Variants in DAB2IP observed in about 807,000 individuals in gnomAD.
DAB2IP encodes DAB2 interacting protein, also known as disabled homolog 2-interacting protein.
Under a neutral mutation model 107.2 loss-of-function variants are expected in DAB2IP, and 28 were observed. The ratio of observed to expected loss-of-function variants is 0.26; its 90% CI spans 0.19 to 0.36. The LOEUF is 0.36. Among genes scored for constraint, DAB2IP ranks in the 10% least tolerant of loss-of-function variants. The pLI is 1.00. For synonymous variants in DAB2IP, 755 were observed against 706.4 expected, an observed-to-expected ratio of 1.07 and a Z score of -1.09; for missense variants, 1,400 against 1,644.7, an observed-to-expected ratio of 0.85 and a Z score of 2.57.
intron 3 of DAB2IP, among the ~76,000 whole-genome samples, chr9:121,746,515 C>T (rs1365128257): frequency 6.6e-6 from 1 of 152,112 alleles, no homozygotes; most frequent in Admixed American, 6.5e-5. Context: ...GAAACCTGGC[C>T]CTCAAGGATG....
chr9:121,779,108 T>A (rs559318525), intron 14 of DAB2IP, among the ~76,000 whole-genome samples: 16 of 152,346 alleles, frequency 1.1e-4, no homozygotes, highest in Middle Eastern at 3.4e-3. Flanking sequence ...TTTGATAGTT[T>A]CTATGACTAT....
Position 121,773,478 on chromosome 9 carries a change from C to G in DAB2IP, c.2950C>G (p.Arg984Gly), listed in dbSNP as rs774366709. 5 of 1,512,584 alleles carry G rather than the reference C, an allele frequency of 3.3e-6. No individual in the cohort carries two copies. The African/African-American group carries it at 4.2e-5, about 13-fold the overall frequency. 93.7% of individuals were successfully genotyped at this position (1,512,584 alleles called of 1,614,324 possible). ...GGGGGACAGCCCAGAACTGAAGCCA[C>G]GGGCAGTGCACAAGCAGGTCAGTGC... The change falls in exon 12 of 16, where the codon CGG (arginine) becomes GGG (glycine). Residue 984 changes from arginine to glycine, a missense_variant. This residue lies in a region of DAB2IP where 600 missense variants were observed against 659.1 expected (regional missense o/e 0.91). Transcript: ENST00000408936.
intron 3 of DAB2IP, among the ~76,000 whole-genome samples, chr9:121,712,153 A>G (rs1830366982): frequency 6.6e-6 from 1 of 151,960 alleles, no homozygotes; most frequent in African/African-American, 2.4e-5. Context: ...GAGAGAGGAG[A>G]GGGCACTGGG....
chr9:121,716,662 G>A (rs113775172), intron 3 of DAB2IP, among the ~76,000 whole-genome samples: 4,268 of 152,272 alleles, frequency 0.028, 214 homozygotes, highest in African/African-American at 0.097. Context: ...GCATCCTGGG[G>A]TTGGTACCCA....
intron 1 of DAB2IP, among the ~76,000 whole-genome samples, chr9:121,642,010 TCTCTCTCTCTC>T: frequency 5.2e-4 from 12 of 23,286 alleles, no homozygotes; most frequent in African/African-American, 2.8e-3. Context: ...TCTCTCTCTC[TCTCTCTCTCTC>T]TCTCTCTCTC....
At position 121,573,071 on chromosome 9, in the gene DAB2IP, GGTTT is replaced by G. The variant is rs954752182; in HGVS notation, c.40+5860_40+5863del. ...CTTTATCTACACTGTCTTCTGTTTT[GGTTT>G]GTTTGTTTGTTTGTTTTTGAGATGG... is the stretch of plus-strand genomic sequence containing the variant. On this transcript the variant is annotated intron_variant, in intron 1 of 16. Coordinates refer to the DAB2IP transcript ENST00000259371. 2.2e-3 allele frequency among the ~76,000 whole-genome samples: 333 copies of G among 152,168 alleles called. 3 individuals carry two copies. Among genetic ancestry groups the G allele is most frequent in the African/African-American group, 7.6e-3 (314 of 41,470 alleles).
chr9:121,746,971 C>T (rs10818589), intron 3 of DAB2IP, among the ~76,000 whole-genome samples: 20,924 of 151,990 alleles, frequency 0.14, 1,912 homozygotes, highest in East Asian at 0.37. Context: ...GGAGAGGGAA[C>T]GCATGGGTCA....
intron 13 of DAB2IP, among the ~76,000 whole-genome samples, chr9:121,775,685 C>T (rs1280372032): frequency 1.3e-5 from 2 of 152,154 alleles, no homozygotes; most frequent in Non-Finnish European, 2.9e-5. Flanking sequence ...TCTCTCTCTC[C>T]ATTTCCTCAT....
intron 3 of DAB2IP, among the ~76,000 whole-genome samples, chr9:121,715,808 C>G (rs998735282): frequency 2.0e-5 from 3 of 152,192 alleles, no homozygotes; most frequent in Admixed American, 6.5e-5. Flanking sequence ...TAGGGCCTAT[C>G]AGTTGTCTGC....
intron 2 of DAB2IP, among the ~76,000 whole-genome samples, chr9:121,689,155 G>T (rs1268739432): frequency 2.6e-5 from 4 of 152,122 alleles, no homozygotes; most frequent in Non-Finnish European, 4.4e-5. Flanking sequence ...TTAGCCGGGC[G>T]TGGTAGCGCA....
intron 1 of DAB2IP, among the ~76,000 whole-genome samples, chr9:121,610,532 C>T (rs1171345257): frequency 6.6e-6 from 1 of 152,178 alleles, no homozygotes. Context: ...TTCCCAACTC[C>T]AAAGCCTCTC....
intron 1 of DAB2IP, among the ~76,000 whole-genome samples, chr9:121,590,867 C>T (rs1450069920): frequency 4.6e-5 from 7 of 152,096 alleles, no homozygotes; most frequent in Admixed American, 1.3e-4. Flanking sequence ...ATGCCCAGCC[C>T]GGGAGCATGA....
At chr9:121,742,073 ACT>A (rs766273712) in intron 3 of DAB2IP, among the ~76,000 whole-genome samples, 2 of 151,940 alleles carry the variant, frequency 1.3e-5, no homozygotes, top group Non-Finnish European at 1.5e-5. Context: ...TCCTTGAATG[ACT>A]CAGCCCCTGT....
intron 1 of DAB2IP, among the ~76,000 whole-genome samples, chr9:121,597,827 T>G (rs1196569856): frequency 1.3e-5 from 2 of 152,208 alleles, no homozygotes; most frequent in Non-Finnish European, 2.9e-5. Flanking sequence ...TGTGCATCCA[T>G]CGCATATGCT....
chr9:121,589,390 C>T (rs1389345306), intron 1 of DAB2IP, among the ~76,000 whole-genome samples: 1 of 152,152 alleles, frequency 6.6e-6, no homozygotes, highest in Non-Finnish European at 1.5e-5. Flanking sequence ...TTTCATGGTG[C>T]CATGTTTTTT....
At chr9:121,708,876 GTC>G (rs1830188029) in intron 3 of DAB2IP, among the ~76,000 whole-genome samples, 1 of 152,206 alleles carries the variant, frequency 6.6e-6, no homozygotes, top group South Asian at 2.1e-4. Flanking sequence ...GAGAATGACT[GTC>G]TTTGGAGAGA....
chr9:121,723,414 G>C (rs1359009600), intron 3 of DAB2IP, among the ~76,000 whole-genome samples: 1 of 152,232 alleles, frequency 6.6e-6, no homozygotes, highest in Non-Finnish European at 1.5e-5. Flanking sequence ...TCCCAGTCAG[G>C]TGGGAGAGGT....
At position 121,760,780 on chromosome 9, in the gene DAB2IP, A is replaced by T. The variant is rs1833828385; in HGVS notation, c.1170+341A>T. On this transcript the variant is annotated intron_variant, in intron 6 of 15. Coordinates refer to ENST00000408936, the Ensembl canonical transcript of DAB2IP. This position sits in a 1 kb window ranked among gnomAD's most constrained non-coding sequence, Gnocchi z 5.9. Reference sequence around the variant, plus strand: ...GCTGGGTGGCCACGGCTCTCCCAGCACACAGGTCCCACAACGCCACCAGCC... The same window carrying T: ...GCTGGGTGGCCACGGCTCTCCCAGCTCACAGGTCCCACAACGCCACCAGCC... 1.3e-5 allele frequency among the ~76,000 whole-genome samples: 2 copies of T among 152,126 alleles called. No homozygotes were observed. Among genetic ancestry groups the T allele is most frequent in the African/African-American group, 4.8e-5 (2 of 41,428 alleles).
At chr9:121,781,674 A>C in intron 15 of DAB2IP, 123 bp downstream of exon 15, 3 of 965,308 alleles carry the variant, frequency 3.1e-6, no homozygotes, top group Non-Finnish European at 3.1e-6. Context: ...AGAAACCAGA[A>C]TCTGCCCTGA....
Sources: allele counts gnomAD v4.1 joint callset (sites outside exome capture counted in the v4.1 genomes callset), GRCh38; gene constraint gnomAD v4.1.1; regional missense constraint gnomAD v4.1.1; non-coding constraint Gnocchi (gnomAD v3.1); transcripts MANE v1.5; gene names NCBI Gene and HGNC (gene_info 2026-07-23, HGNC 2026-07-21).